The following ATP10D variants were observed in gnomAD, a reference collection of about 807,000 sequenced individuals.
The protein encoded by ATP10D is phospholipid-transporting ATPase VD.
Under a neutral mutation model 144.8 loss-of-function variants are expected in ATP10D, and 89 were observed. The ratio of observed to expected loss-of-function variants is 0.61; its 90% CI spans 0.52 to 0.73. The LOEUF (loss-of-function observed/expected upper bound fraction) is 0.73, where lower values mean the gene tolerates loss of function less well. Ranked by LOEUF, ATP10D falls within the 30% of genes least tolerant of loss-of-function variation. The pLI is 0.00. For missense variants in ATP10D, 1,603 were observed against 1,714.8 expected (o/e 0.93, Z 1.15); for synonymous variants, 571 against 615.1 (o/e 0.93, Z 1.06).
chr4:47,533,589 G>A (rs528356556), intron 5 of ATP10D, among the ~76,000 whole-genome samples: 108 of 152,198 alleles, frequency 7.1e-4, no homozygotes, highest in African/African-American at 2.5e-3. Flanking sequence ...TTTATTGCTA[G>A]AAAACAACCT....
At chr4:47,562,109 G>T (rs554977554) in intron 14 of ATP10D, among the ~76,000 whole-genome samples, 1 of 152,264 alleles carries the variant, frequency 6.6e-6, no homozygotes, top group South Asian at 2.1e-4. Context: ...TACCTGATTT[G>T]ATATAAGACT....
At chr4:47,569,692 T>C (rs1719841952) in intron 16 of ATP10D, among the ~76,000 whole-genome samples, 1 of 152,120 alleles carries the variant, frequency 6.6e-6, no homozygotes, top group Admixed American at 6.5e-5. Context: ...ATAAGTACTA[T>C]TGAAAAAATA....
chr4:47,526,334 G>A (rs1717242084), intron 5 of ATP10D, among the ~76,000 whole-genome samples: 2 of 152,170 alleles, frequency 1.3e-5, no homozygotes, highest in African/African-American at 2.4e-5. Flanking sequence ...GGAAAAACTA[G>A]GTGGTCATCT....
intron 9 of ATP10D, among the ~76,000 whole-genome samples, chr4:47,538,644 T>C (rs1717972870): frequency 1.3e-5 from 2 of 152,160 alleles, no homozygotes; most frequent in African/African-American, 4.8e-5. Context: ...CTGCTGAGAC[T>C]GTGATCTTAT....
intron 4 of ATP10D, among the ~76,000 whole-genome samples, 188 bp downstream of exon 4, chr4:47,523,404 T>C (rs1045816049): frequency 5.9e-5 from 9 of 152,338 alleles, no homozygotes; most frequent in African/African-American, 1.9e-4. Flanking sequence ...GAGGATAAAA[T>C]GACTTCAGAA....
At position 47,592,045 on chromosome 4, in the gene ATP10D, G is replaced by C. The variant is rs548310262; in HGVS notation, c.*664G>C. ...CCTGAGGTGGAGCCTTCATTGGAAA[G>C]GGGAAAGAGGGATTCTAGGGTTTCA... On this transcript the variant is annotated 3_prime_UTR_variant, in exon 23 of 23. Coordinates refer to ENST00000273859, the MANE Select transcript of ATP10D (RefSeq NM_020453.4). 6.6e-6 allele frequency: 1 copy of C among 152,280 alleles called. No individual in the cohort carries two copies. The highest frequency in any genetic ancestry group is 1.5e-5 in the Non-Finnish European group (1 of 68,010). 9.4% of individuals were successfully genotyped at this position (152,280 alleles called of 1,614,324 possible).
chr4:47,539,486 T>A (rs1030972602), intron 9 of ATP10D, among the ~76,000 whole-genome samples: 2 of 152,220 alleles, frequency 1.3e-5, no homozygotes, highest in African/African-American at 4.8e-5. Context: ...GTCTTTTTTT[T>A]AACACATATG....
intron 1 of ATP10D, among the ~76,000 whole-genome samples, chr4:47,501,712 C>T (rs1367095160): frequency 1.3e-5 from 2 of 152,178 alleles, no homozygotes; most frequent in African/African-American, 4.8e-5. Flanking sequence ...TCTGTTTCCT[C>T]ATTACTAAGT....
At chr4:47,524,267 TC>T in intron 4 of ATP10D, among the ~76,000 whole-genome samples, 1 of 152,228 alleles carries the variant, frequency 6.6e-6, no homozygotes, top group East Asian at 1.9e-4. Context: ...TCAGGGTTAC[TC>T]CGTCTTACAC....
In ATP10D at chr4:47,572,573, G is replaced by A. The variant is rs755285573; in HGVS notation, c.3241-299G>A. Among the ~76,000 whole-genome samples the A allele has an allele frequency of 1.1e-3, 174 of 151,622 alleles. 1 individual carries two copies. Among genetic ancestry groups the A allele is most frequent in the Non-Finnish European group, 2.1e-3 (144 of 67,918 alleles). ...CCTAAAGATCTTGAGGCAGGAGACC[G>A]AGGGAAAAAAAGGGAAAGAAGAGGA... On this transcript the variant is annotated intron_variant, in intron 17 of 22. Transcript: ENST00000273859.
rs1463340200 is a variant in ATP10D, at chr4:47,554,850, T to A, written c.1760T>A (p.Phe587Tyr). 1.9e-6 allele frequency: 3 copies of A among 1,614,016 alleles called. No homozygotes were observed. Among genetic ancestry groups the A allele is most frequent in the Non-Finnish European group, 2.5e-6 (3 of 1,180,024 alleles). Residue 587 changes from phenylalanine (F) to tyrosine (Y), a missense_variant, in exon 11 of 23, where the codon TTT becomes TAT. Coordinates refer to ENST00000273859, the MANE Select transcript of ATP10D (RefSeq NM_020453.4). Reference protein sequence around the residue: ...PPMETLYIIDFFIALAICNTV... With the variant: ...PPMETLYIIDYFIALAICNTV... The stretch of plus-strand genomic sequence containing the variant: ...ATGGAAACTTTGTACATTATCGACT[T>A]TTTCATTGCATTGGCAATTTGCAAC...
At chr4:47,504,909 G>A (rs1157249879) in intron 1 of ATP10D, among the ~76,000 whole-genome samples, 2 of 152,132 alleles carry the variant, frequency 1.3e-5, no homozygotes, top group East Asian at 1.9e-4. Context: ...GAACTCTTGT[G>A]TCTTCCATGG....
chr4:47,530,433 CTGT>C (rs1180593885), intron 5 of ATP10D, among the ~76,000 whole-genome samples: 2 of 149,046 alleles, frequency 1.3e-5, no homozygotes, highest in African/African-American at 2.5e-5. Flanking sequence ...GTTGTTGTTG[CTGT>C]TGTTGTTCTT....
In ATP10D at chr4:47,518,929, T is replaced by A. The variant is rs954009066; in HGVS notation, c.485+3259T>A. Among the ~76,000 whole-genome samples, 5 of 152,264 alleles carry A rather than the reference T, an allele frequency of 3.3e-5. No homozygotes were observed. The East Asian group carries it at 7.7e-4, about 24-fold the overall frequency. ...GTAACATTGAACAAGTTACTTAACT[T>A]GTCAAGGCCAATTTTTTCTAATTTG... is the stretch of plus-strand genomic sequence containing the variant. On this transcript the variant is annotated intron_variant, in intron 3 of 22. Transcript: ENST00000273859.
intron 1 of ATP10D, among the ~76,000 whole-genome samples, chr4:47,511,199 A>AT: frequency 6.6e-6 from 1 of 152,336 alleles, no homozygotes; most frequent in Middle Eastern, 3.4e-3. Flanking sequence ...TATTGAAGAG[A>AT]TAGTAAATGT....
chr4:47,536,616 C>G (rs1717863619), intron 8 of ATP10D, 52 bp downstream of exon 8: 1 of 1,601,796 alleles, frequency 6.2e-7, no homozygotes, highest in Non-Finnish European at 8.5e-7. Flanking sequence ...GCTGCTTATC[C>G]AGCTATGTTC....
intron 9 of ATP10D, among the ~76,000 whole-genome samples, chr4:47,537,510 A>G (rs1477131256): frequency 6.6e-6 from 1 of 152,182 alleles, no homozygotes; most frequent in East Asian, 1.9e-4. Flanking sequence ...TGAACAAAAC[A>G]AATTAAAAGC....
rs1193451427 is a variant in ATP10D at position 47,512,733 on chromosome 4, G to A, written c.193G>A (p.Glu65Lys). ...CATCCAGCCCTTCAAGGATGAGTAT[G>A]AGAAGTTCTCCGGAGCCTATGTGAA... ...PHIQPFKDEY[E>K]KFSGAYVNNR... Residue 65 changes from glutamate (E) to lysine (K), a missense_variant, in exon 2 of 23, where the codon GAG (glutamate) becomes AAG (lysine). By Grantham distance (56) the Glu-to-Lys change is moderately conservative (BLOSUM62 1). Coordinates refer to ENST00000273859, the MANE Select transcript of ATP10D (RefSeq NM_020453.4). 6.2e-7 allele frequency: 1 copy of A among 1,614,224 alleles called. No homozygotes were observed. Among genetic ancestry groups the A allele is most frequent in the Non-Finnish European group, 8.5e-7 (1 of 1,180,020 alleles).
At chr4:47,497,890 A>C (rs1013837494) in intron 1 of ATP10D, among the ~76,000 whole-genome samples, 13 of 152,210 alleles carry the variant, frequency 8.5e-5, no homozygotes, top group African/African-American at 2.9e-4. Context: ...TTCTGGCTTT[A>C]ACATTCTGAG....
Sources: gnomAD v4.1 joint callset for allele counts (sites outside exome capture counted in the v4.1 genomes callset) on GRCh38, gnomAD v4.1.1 for gene constraint, MANE v1.5 for transcripts, NCBI Gene and HGNC (gene_info 2026-07-23, HGNC 2026-07-21) for gene names.